Variants in DLG2 observed in about 807,000 individuals in gnomAD.
The protein encoded by DLG2 is discs large MAGUK scaffold protein 2, also known as disks large homolog 2.
In DLG2, 45 loss-of-function variants were observed where a neutral mutation model predicts 132.5. That is an observed-to-expected ratio of 0.34 (90% confidence interval 0.27 to 0.44). DLG2 has a LOEUF of 0.44. Among genes scored for constraint, DLG2 ranks in the 20% least tolerant of loss-of-function variants. The pLI is 1.00. For missense variants in DLG2, 1,045 were observed against 1,196.9 expected (o/e 0.87, Z 1.87); for synonymous variants, 424 against 419.6 (o/e 1.01, Z -0.13).
intron 6 of DLG2, among the ~76,000 whole-genome samples, chr11:84,579,826 C>T (rs2099512211): frequency 2.6e-5 from 4 of 152,098 alleles, no homozygotes; most frequent in Admixed American, 2.6e-4. Context: ...TAAATTAAAG[C>T]AATGTTAATG....
intron 4 of DLG2, among the ~76,000 whole-genome samples, chr11:85,197,201 A>C (rs2152543272): frequency 6.6e-6 from 1 of 152,318 alleles, no homozygotes; most frequent in South Asian, 2.1e-4. Flanking sequence ...TGCCCTTTAT[A>C]GTTGACATAT....
At chr11:84,102,283 G>T (rs1016053088) in intron 9 of DLG2, among the ~76,000 whole-genome samples, 1 of 152,088 alleles carries the variant, frequency 6.6e-6, no homozygotes, top group Admixed American at 6.6e-5. Flanking sequence ...TAGAAGGCAG[G>T]AACTGTGTAG....
chr11:84,083,960 G>T (rs976814941), intron 10 of DLG2, among the ~76,000 whole-genome samples: 4 of 152,106 alleles, frequency 2.6e-5, no homozygotes, highest in Admixed American at 6.5e-5. Flanking sequence ...CAAGATCCCA[G>T]AGAGGCTTTA....
intron 3 of DLG2, among the ~76,000 whole-genome samples, chr11:85,467,121 G>T (rs963796320): frequency 1.6e-4 from 25 of 152,078 alleles, no homozygotes; most frequent in Non-Finnish European, 3.1e-4. Context: ...TGTCTGTTAT[G>T]GGTGTATAAG....
At chr11:84,479,808 A>C (rs533750675) in intron 7 of DLG2, among the ~76,000 whole-genome samples, 1 of 152,152 alleles carries the variant, frequency 6.6e-6, no homozygotes, top group Non-Finnish European at 1.5e-5. Flanking sequence ...AGGAAACTAC[A>C]TTATGACCAT....
chr11:84,566,413 TA>T (rs1592513695), intron 6 of DLG2, among the ~76,000 whole-genome samples: 1 of 152,022 alleles, frequency 6.6e-6, no homozygotes, highest in African/African-American at 2.4e-5. Context: ...TAAATCAGGG[TA>T]AAAAAAGTTT....
At chr11:85,528,207 T>C (rs1438399270) in intron 3 of DLG2, among the ~76,000 whole-genome samples, 1 of 152,232 alleles carries the variant, frequency 6.6e-6, no homozygotes. Context: ...CATTTGTCAA[T>C]TTTGGCTTTT....
At chr11:84,273,172 A>G (rs1270553260) in intron 7 of DLG2, 1 of 1,556,662 alleles carries the variant, frequency 6.4e-7, no homozygotes, top group Admixed American at 2.1e-5. Context: ...CATGTTGCAT[A>G]GCTTGTTCAC....
intron 3 of DLG2, among the ~76,000 whole-genome samples, chr11:85,537,859 G>A (rs1195505992): frequency 6.6e-6 from 1 of 152,000 alleles, no homozygotes; most frequent in African/African-American, 2.4e-5. Flanking sequence ...GCTCAAGCCT[G>A]TAATCCCAGC....
At chr11:83,872,772 T>C (rs558747300) in intron 16 of DLG2, among the ~76,000 whole-genome samples, 23 of 152,320 alleles carry the variant, frequency 1.5e-4, no homozygotes, top group African/African-American at 4.6e-4. Flanking sequence ...GAAGTCTACT[T>C]TGTGCTGATG....
chr11:84,405,737 AG>A lies in DLG2; in HGVS notation c.519+128832del, dbSNP rs1301533517. ...ACTAAGGGGGAAAAAAAGCTAAAGA[AG>A]GGGACTAGGAATGTGGTGGGAATGT... is the stretch of plus-strand genomic sequence containing the variant. On this transcript the variant is annotated intron_variant, in intron 7 of 27. Coordinates refer to ENST00000376104, the MANE Select transcript of DLG2 (RefSeq NM_001142699.3). 4.6e-5 allele frequency among the ~76,000 whole-genome samples: 7 copies of A among 152,322 alleles called. No individual in the cohort carries two copies. In the East Asian group the frequency reaches 1.2e-3, roughly 25 times the overall value.
At chr11:83,651,633 G>A in intron 18 of DLG2, 1 of 269,704 alleles carries the variant, frequency 3.7e-6, no homozygotes, top group South Asian at 4.0e-5. Context: ...GAAGAAGAAA[G>A]AAGAGGAGTT....
intron 3 of DLG2, among the ~76,000 whole-genome samples, chr11:85,293,337 G>T (rs1418768228): frequency 6.6e-6 from 1 of 152,110 alleles, no homozygotes; most frequent in African/African-American, 2.4e-5. Context: ...GCAGGAGATA[G>T]GAGCAACAGT....
chr11:83,912,460 C>T (rs1486758731), intron 15 of DLG2, among the ~76,000 whole-genome samples: 2 of 151,940 alleles, frequency 1.3e-5, no homozygotes, highest in Non-Finnish European at 2.9e-5. Context: ...AAAATGGCAC[C>T]GTGAAAAGAG....
chr11:84,756,941 G>C lies in DLG2; in HGVS notation c.358-222210C>G, dbSNP rs892576164. On this transcript the variant is annotated intron_variant, in intron 6 of 27. Transcript: ENST00000376104. ...ATTACAACTCCCAATGAGATAAATG[G>C]GTGGAAGAGGCATCAGCCTACAGCA... Among the ~76,000 whole-genome samples, 15 of 152,214 alleles carry C rather than the reference G, an allele frequency of 9.9e-5. No individual in the cohort carries two copies. The South Asian group carries it at 2.9e-3, about 29-fold the overall frequency.
At chr11:84,925,834 T>C (rs2092957920) in intron 6 of DLG2, among the ~76,000 whole-genome samples, 1 of 152,052 alleles carries the variant, frequency 6.6e-6, no homozygotes, top group Admixed American at 6.6e-5. Context: ...CAAAATAAAC[T>C]CTGGAAGGAT....
intron 4 of DLG2, among the ~76,000 whole-genome samples, chr11:85,214,953 C>A (rs984050765): frequency 3.2e-4 from 48 of 152,220 alleles, no homozygotes; most frequent in African/African-American, 1.0e-3. Flanking sequence ...ACAATGAAAA[C>A]TTATCCAAGT....
At chr11:85,228,940 A>G (rs749401547) in intron 4 of DLG2, among the ~76,000 whole-genome samples, 6 of 151,086 alleles carry the variant, frequency 4.0e-5, no homozygotes, top group Non-Finnish European at 7.4e-5. Flanking sequence ...AATAATATAT[A>G]TAGTATTTTA....
chr11:85,228,147 C>T (rs534480585), intron 4 of DLG2, among the ~76,000 whole-genome samples: 2 of 152,120 alleles, frequency 1.3e-5, no homozygotes, highest in South Asian at 4.2e-4. Context: ...CCTAGGAGTT[C>T]AATTCCCAGT....
Sources: allele counts gnomAD v4.1 joint callset (sites outside exome capture counted in the v4.1 genomes callset), GRCh38; gene constraint gnomAD v4.1.1; transcripts MANE v1.5; gene names NCBI Gene and HGNC (gene_info 2026-07-23, HGNC 2026-07-21).